Variants in GRID2 observed in about 807,000 individuals in gnomAD.
GRID2 encodes the protein glutamate receptor ionotropic, delta-2.
GRID2 carries 33 observed loss-of-function variants against 114.8 expected under a neutral mutation model. That is an observed-to-expected ratio of 0.29 (90% CI 0.22 to 0.38). GRID2 has a LOEUF of 0.38. Among genes scored for constraint, GRID2 ranks in the 10% least tolerant of loss-of-function variants. The pLI is 1.00. For missense variants in GRID2, 1,184 were observed against 1,257.7 expected (o/e 0.94, Z 0.89); for synonymous variants, 505 against 449.9 (o/e 1.12, Z -1.55).
intron 11 of GRID2, among the ~76,000 whole-genome samples, chr4:93,478,940 A>T (rs1026344831): frequency 6.6e-6 from 1 of 152,098 alleles, no homozygotes; most frequent in African/African-American, 2.4e-5. Flanking sequence ...AACAATATTT[A>T]GTCATTTAAA....
At chr4:93,403,060 C>T (rs892901026) in intron 9 of GRID2, among the ~76,000 whole-genome samples, 4 of 152,078 alleles carry the variant, frequency 2.6e-5, no homozygotes, top group African/African-American at 7.2e-5. Context: ...TGGGCAAGCC[C>T]TCACAGCAAG....
At chr4:93,001,448 T>C (rs551781334) in intron 2 of GRID2, among the ~76,000 whole-genome samples, 1 of 151,670 alleles carries the variant, frequency 6.6e-6, no homozygotes, top group African/African-American at 2.4e-5. Context: ...TGAATTATTA[T>C]AGGAGTCAAA....
At chr4:93,714,967 T>A (rs1245312624) in intron 14 of GRID2, among the ~76,000 whole-genome samples, 1 of 152,132 alleles carries the variant, frequency 6.6e-6, no homozygotes, top group Non-Finnish European at 1.5e-5. Context: ...TGCTTTTGTT[T>A]CAGTTGCTTT....
At chr4:93,040,632 A>G (rs1319226711) in intron 2 of GRID2, among the ~76,000 whole-genome samples, 1 of 152,110 alleles carries the variant, frequency 6.6e-6, no homozygotes, top group South Asian at 2.1e-4. Flanking sequence ...GTGTATTTTC[A>G]CTTGTTCAAT....
chr4:92,773,888 G>C (rs1738656116), intron 2 of GRID2, among the ~76,000 whole-genome samples: 1 of 151,966 alleles, frequency 6.6e-6, no homozygotes, highest in African/African-American at 2.4e-5. Flanking sequence ...ACATTTAGTT[G>C]TACAAGCATG....
chr4:92,465,078 A>G (rs568010798), intron 1 of GRID2, among the ~76,000 whole-genome samples: 28 of 152,228 alleles, frequency 1.8e-4, no homozygotes, highest in African/African-American at 6.3e-4. Flanking sequence ...CCACCCAGCC[A>G]TGCTTCCTGT....
chr4:93,588,318 A>G (rs1240944194), intron 13 of GRID2, among the ~76,000 whole-genome samples: 1 of 152,124 alleles, frequency 6.6e-6, no homozygotes, highest in African/African-American at 2.4e-5. Flanking sequence ...CAGTTGGAAT[A>G]ATAGGTTTTT....
intron 11 of GRID2, among the ~76,000 whole-genome samples, chr4:93,483,358 A>T (rs1045790988): frequency 3.3e-5 from 5 of 151,928 alleles, no homozygotes; most frequent in South Asian, 2.1e-4. Flanking sequence ...TTATTTTTTT[A>T]AAAAAGGTAT....
At position 92,371,622 on chromosome 4, in the gene GRID2, T is replaced by C. The variant is rs192346433; in HGVS notation, c.88+66878T>C. ...AGAAGAAAAGATTCCTTTCAACATA[T>C]CACTGCTCACTGGTAATGGACCTCA... is the stretch of plus-strand genomic sequence containing the variant. On this transcript the variant is annotated intron_variant, in intron 1 of 15. Transcript: ENST00000282020. 2.0e-5 allele frequency among the ~76,000 whole-genome samples: 3 copies of C among 152,304 alleles called. No homozygotes were observed. The East Asian group carries it at 5.8e-4, about 29-fold the overall frequency.
intron 2 of GRID2, among the ~76,000 whole-genome samples, chr4:92,754,337 C>T (rs913561414): frequency 2.0e-5 from 3 of 151,980 alleles, no homozygotes; most frequent in Non-Finnish European, 2.9e-5. Flanking sequence ...GAAATCTGCC[C>T]CATGAGAAGC....
At chr4:93,381,428 AGACTTACTTCTGTCATTTAAAAACTT>A (rs1763845609) in intron 8 of GRID2, among the ~76,000 whole-genome samples, 1 of 152,086 alleles carries the variant, frequency 6.6e-6, no homozygotes, top group Admixed American at 6.6e-5. Flanking sequence ...TGATAAGGAG[AGACTTACTTCTGTCATTTAAAAACTT>A]GTTTTCTATA....
intron 4 of GRID2, among the ~76,000 whole-genome samples, chr4:93,132,367 T>C (rs1174761435): frequency 6.6e-6 from 1 of 152,234 alleles, no homozygotes; most frequent in East Asian, 1.9e-4. Flanking sequence ...CATGCCCATT[T>C]AAGAACCTTG....
intron 2 of GRID2, among the ~76,000 whole-genome samples, chr4:92,735,291 A>T (rs1261061026): frequency 6.6e-6 from 1 of 152,164 alleles, no homozygotes; most frequent in East Asian, 1.9e-4. Context: ...TACATACATT[A>T]TATTTTTCTT....
At chr4:92,760,646 A>G (rs1737962680) in intron 2 of GRID2, among the ~76,000 whole-genome samples, 1 of 152,194 alleles carries the variant, frequency 6.6e-6, no homozygotes. Context: ...ACCCTGAGAC[A>G]GCATGTCCTG....
intron 2 of GRID2, among the ~76,000 whole-genome samples, chr4:92,723,601 G>A (rs1735916877): frequency 6.6e-6 from 1 of 152,008 alleles, no homozygotes; most frequent in Admixed American, 6.6e-5. Context: ...GAGGCATTAG[G>A]TAGTTACTTC....
At chr4:93,092,877 T>C (rs1157189185) in intron 3 of GRID2, among the ~76,000 whole-genome samples, 2 of 151,882 alleles carry the variant, frequency 1.3e-5, no homozygotes, top group African/African-American at 4.8e-5. Flanking sequence ...CATATATATG[T>C]GTACCATGGA....
chr4:92,766,741 A>G (rs777982439), intron 2 of GRID2, among the ~76,000 whole-genome samples: 9 of 152,206 alleles, frequency 5.9e-5, no homozygotes, highest in Non-Finnish European at 1.3e-4. Context: ...ATGCAGTTTC[A>G]TATTTTGCAA....
At chr4:92,399,709 G>C (rs1163698550) in intron 1 of GRID2, among the ~76,000 whole-genome samples, 4 of 150,998 alleles carry the variant, frequency 2.6e-5, no homozygotes, top group Admixed American at 2.6e-4. Flanking sequence ...TTGTGTGCAT[G>C]TGTATTTAAT....
intron 2 of GRID2, among the ~76,000 whole-genome samples, chr4:92,940,836 T>C (rs1412304535): frequency 6.6e-6 from 1 of 152,220 alleles, no homozygotes; most frequent in Non-Finnish European, 1.5e-5. Context: ...CATGTGGTTT[T>C]TGTCTTTGGT....
Sources: allele counts gnomAD v4.1 joint callset (sites outside exome capture counted in the v4.1 genomes callset), GRCh38; gene constraint gnomAD v4.1.1; transcripts MANE v1.5; gene names NCBI Gene and HGNC (gene_info 2026-07-23, HGNC 2026-07-21).